The following CLIC4 variants were observed in gnomAD, a reference collection of about 807,000 sequenced individuals.
CLIC4 encodes the protein CLIC family member 4.
Under a neutral mutation model 24.6 loss-of-function variants are expected in CLIC4, and 13 were observed. The observed-to-expected ratio is 0.53, with a 90% CI of 0.34 to 0.84. The LOEUF (loss-of-function observed/expected upper bound fraction) is 0.84. Among genes scored for constraint, CLIC4 ranks in the 40% least tolerant of loss-of-function variants. The pLI is 0.01. For synonymous variants in CLIC4, 104 were observed against 111.3 expected (o/e 0.93, Z 0.41); for missense variants, 227 against 301.7 (o/e 0.75, Z 1.83).
intron 4 of CLIC4, among the ~76,000 whole-genome samples, chr1:24,830,799 A>C (rs1571265971): frequency 6.6e-6 from 1 of 152,194 alleles, no homozygotes; most frequent in Admixed American, 6.5e-5. Context: ...CAGCATTACT[A>C]CATCGGGGTA....
At chr1:24,806,103 GTTGAGTA>G in intron 2 of CLIC4, among the ~76,000 whole-genome samples, 1 of 152,320 alleles carries the variant, frequency 6.6e-6, no homozygotes, top group Middle Eastern at 3.4e-3. Flanking sequence ...TTAATCAAGT[GTTGAGTA>G]TTTACTGAAG....
At chr1:24,832,076 C>CCA (rs1207902612) in intron 4 of CLIC4, among the ~76,000 whole-genome samples, 1 of 152,160 alleles carries the variant, frequency 6.6e-6, no homozygotes, top group Non-Finnish European at 1.5e-5. Context: ...TCTTACTGAC[C>CCA]TAGCTGTTTC....
chr1:24,767,238 C>T (rs1639012847), intron 1 of CLIC4, among the ~76,000 whole-genome samples: 1 of 152,114 alleles, frequency 6.6e-6, no homozygotes, highest in Non-Finnish European at 1.5e-5. Context: ...TAGTTCTACC[C>T]TTCACTAGTT....
At chr1:24,828,834 A>G (rs1557814798) in intron 4 of CLIC4, among the ~76,000 whole-genome samples, 1 of 152,222 alleles carries the variant, frequency 6.6e-6, no homozygotes, top group Admixed American at 6.5e-5. Context: ...ACCAATAAGA[A>G]CAAACAACAT....
intron 1 of CLIC4, among the ~76,000 whole-genome samples, chr1:24,779,957 A>G (rs1178987391): frequency 1.3e-5 from 2 of 152,164 alleles, no homozygotes; most frequent in Non-Finnish European, 2.9e-5. Context: ...TTAAATGGAA[A>G]TCAGATTTTG....
intron 1 of CLIC4, among the ~76,000 whole-genome samples, chr1:24,748,336 T>A (rs1459288571): frequency 2.0e-5 from 3 of 152,028 alleles, no homozygotes; most frequent in Non-Finnish European, 4.4e-5. Context: ...TGGCAGAGAA[T>A]CAGGGTTCAA....
intron 3 of CLIC4, among the ~76,000 whole-genome samples, chr1:24,821,760 G>T (rs1283199881): frequency 2.0e-5 from 3 of 151,896 alleles, no homozygotes; most frequent in African/African-American, 7.3e-5. Flanking sequence ...ACTTTCAATT[G>T]GAGTCTGAGA....
rs375642422 is a variant in CLIC4 at position 24,786,301 on chromosome 1, A to C, written c.73-11441A>C. On this transcript the variant is annotated intron_variant, in intron 1 of 5. Coordinates refer to ENST00000374379, the MANE Select transcript of CLIC4 (RefSeq NM_013943.3). ...ATTAAACTAGGTTTTCTAAGTGAGC[A>C]GTTCCTTAATCTTGACTTAGTAAAA... Among the ~76,000 whole-genome samples the C allele has an allele frequency of 8.5e-5, 13 of 152,370 alleles. 1 individual carries two copies. In the South Asian group the frequency reaches 2.7e-3, roughly 32 times the overall value.
intron 1 of CLIC4, among the ~76,000 whole-genome samples, chr1:24,756,190 G>A (rs181783330): frequency 3.3e-5 from 5 of 152,108 alleles, no homozygotes; most frequent in East Asian, 1.9e-4. Flanking sequence ...TAGTAGAGAC[G>A]GGGTTTCACC....
chr1:24,832,241 G>T (rs1639849291), intron 4 of CLIC4, among the ~76,000 whole-genome samples: 1 of 1,214 alleles, frequency 8.2e-4, no homozygotes, highest in African/African-American at 8.4e-4. Context: ...TTTCTTTTGA[G>T]CAGTAACGTT....
chr1:24,756,898 A>T (rs1308013550), intron 1 of CLIC4, among the ~76,000 whole-genome samples: 2 of 140,142 alleles, frequency 1.4e-5, no homozygotes, highest in Non-Finnish European at 3.1e-5. Context: ...TTTTTTTTTT[A>T]ATGTTTTTTT....
At chr1:24,837,176 TGAAAA>T (rs1389494377) in intron 4 of CLIC4, among the ~76,000 whole-genome samples, 1 of 152,064 alleles carries the variant, frequency 6.6e-6, no homozygotes, top group African/African-American at 2.4e-5. Context: ...GATAAATCCT[TGAAAA>T]GAAAAATCAA....
chr1:24,751,656 G>C (rs1042856409), intron 1 of CLIC4, among the ~76,000 whole-genome samples: 1 of 152,108 alleles, frequency 6.6e-6, no homozygotes, highest in African/African-American at 2.4e-5. Context: ...TAGAGATGGG[G>C]TTTCTCCATC....
chr1:24,837,944 C>G (rs374043889), intron 4 of CLIC4, among the ~76,000 whole-genome samples: 1 of 152,172 alleles, frequency 6.6e-6, no homozygotes, highest in African/African-American at 2.4e-5. Context: ...TTTCGGTGTT[C>G]ATTTATGTTC....
intron 1 of CLIC4, among the ~76,000 whole-genome samples, chr1:24,771,304 C>T (rs981932955): frequency 1.8e-4 from 27 of 152,150 alleles, no homozygotes; most frequent in Non-Finnish European, 2.1e-4. Context: ...ATGTTGTTCC[C>T]TTAGCAGAAC....
intron 4 of CLIC4, among the ~76,000 whole-genome samples, chr1:24,837,881 A>G (rs72874304): frequency 0.031 from 4,784 of 152,156 alleles, 284 homozygotes; most frequent in African/African-American, 0.11. Flanking sequence ...TATCCTTTAA[A>G]TGATGTTCCT....
intron 4 of CLIC4, among the ~76,000 whole-genome samples, chr1:24,831,787 C>T (rs1451581540): frequency 1.3e-5 from 2 of 152,138 alleles, no homozygotes; most frequent in African/African-American, 2.4e-5. Flanking sequence ...TACAGGCGTG[C>T]ACCACCATGC....
At chr1:24,820,372 T>C (rs1639718174) in intron 3 of CLIC4, among the ~76,000 whole-genome samples, 1 of 138,332 alleles carries the variant, frequency 7.2e-6, no homozygotes. Context: ...CCTCCTGGGC[T>C]CAAGCAATTC....
At chr1:24,829,245 A>G (rs983713186) in intron 4 of CLIC4, among the ~76,000 whole-genome samples, 5 of 152,224 alleles carry the variant, frequency 3.3e-5, no homozygotes, top group African/African-American at 9.6e-5. Flanking sequence ...AAGACCTTTT[A>G]GGACTTAATT....
Sources: gnomAD v4.1 joint callset for allele counts (sites outside exome capture counted in the v4.1 genomes callset) on GRCh38, gnomAD v4.1.1 for gene constraint, MANE v1.5 for transcripts, NCBI Gene and HGNC (gene_info 2026-07-23, HGNC 2026-07-21) for gene names.